Variants in GABRR1 observed in about 807,000 individuals in gnomAD.
GABRR1 encodes the protein gamma-aminobutyric acid type A receptor subunit rho1.
GABRR1 carries 59 observed loss-of-function variants against 55.5 expected under a neutral mutation model. That is an observed-to-expected ratio of 1.06 (90% confidence interval 0.86 to 1.32). GABRR1 has a LOEUF of 1.32. GABRR1 is among the 40% of genes most tolerant of loss of function. The pLI is 0.00. For synonymous variants in GABRR1, 213 were observed against 226.0 expected (o/e 0.94, Z 0.51); for missense variants, 602 against 619.1 (o/e 0.97, Z 0.29).
In GABRR1 at chr6:89,188,572, A is replaced by G. The variant is rs180819107; in HGVS notation, c.655+1593T>C. 4.4e-4 allele frequency among the ~76,000 whole-genome samples: 67 copies of G among 151,774 alleles called. 1 individual carries two copies. Among genetic ancestry groups the G allele is most frequent in the Middle Eastern group, 6.8e-3 (2 of 292 alleles). Reference sequence around the variant, plus strand: ...GTATACCGTCTTTGGAGAAATGTCTATTCAAGTCTTTTGTCCATTTTTTTA... The same window carrying G: ...GTATACCGTCTTTGGAGAAATGTCTGTTCAAGTCTTTTGTCCATTTTTTTA... On this transcript the variant is annotated intron_variant, in intron 6 of 9. Transcript: ENST00000454853.
intron 1 of GABRR1, among the ~76,000 whole-genome samples, chr6:89,207,881 G>T (rs1772701824): frequency 6.6e-6 from 1 of 152,188 alleles, no homozygotes. Flanking sequence ...TACAGTAGGA[G>T]GAAGCAGGCA....
intron 6 of GABRR1, among the ~76,000 whole-genome samples, chr6:89,187,491 G>A (rs1370029936): frequency 8.5e-5 from 13 of 152,072 alleles, no homozygotes; most frequent in Non-Finnish European, 1.5e-5. Flanking sequence ...AAATTTTCAT[G>A]TAGTATCTGT....
chr6:89,231,231 C>T (rs1683745882), exon 1 of GABRR1: 1 of 155,300 alleles, frequency 6.4e-6, no homozygotes, highest in Non-Finnish European at 1.4e-5. Flanking sequence ...TTCTGCGTCG[C>T]TCACGCTGGG....
chr6:89,210,784 C>T (rs1174663065), intron 1 of GABRR1, among the ~76,000 whole-genome samples: 2 of 152,054 alleles, frequency 1.3e-5, no homozygotes, highest in Non-Finnish European at 2.9e-5. Context: ...ATAAATGCGC[C>T]CTCAAGGGAC....
chr6:89,225,009 C>T (rs1278863857), intron 1 of GABRR1, among the ~76,000 whole-genome samples: 1 of 152,144 alleles, frequency 6.6e-6, no homozygotes, highest in Non-Finnish European at 1.5e-5. Context: ...TCTTGAACTC[C>T]TGACCTCGTG....
In GABRR1 at chr6:89,198,008, C is replaced by T; in HGVS notation, c.572+12G>A. The T allele has an allele frequency of 6.2e-7, 1 of 1,609,634 alleles. No individual in the cohort carries two copies. Among genetic ancestry groups the T allele is most frequent in the Non-Finnish European group, 8.5e-7 (1 of 1,176,010 alleles). On this transcript the variant is annotated intron_variant, in intron 5 of 9. Transcript: ENST00000454853. Reference sequence around the variant, plus strand: ...TTCTTGGTTAATATGAATGATCTGCCTTTCTTCCTACCTGAGACTATAGAG... The same window carrying T: ...TTCTTGGTTAATATGAATGATCTGCTTTTCTTCCTACCTGAGACTATAGAG...
intron 6 of GABRR1, among the ~76,000 whole-genome samples, chr6:89,186,812 G>A (rs1332391127): frequency 6.6e-6 from 1 of 152,198 alleles, no homozygotes; most frequent in African/African-American, 2.4e-5. Context: ...TGTGCAATAA[G>A]TAGCCACTCC....
At chr6:89,221,672 C>T (rs973568830), upstream of GABRR1, among the ~76,000 whole-genome samples, 1 of 152,010 alleles carries the variant, frequency 6.6e-6, no homozygotes, top group Non-Finnish European at 1.5e-5. Context: ...CCCTTGGTAC[C>T]GAGGGATGAC....
intron 1 of GABRR1, among the ~76,000 whole-genome samples, chr6:89,224,085 T>C (rs1283341162): frequency 6.6e-6 from 1 of 151,432 alleles, no homozygotes; most frequent in Non-Finnish European, 1.5e-5. Context: ...TTGTTTGTTT[T>C]GTTCTGTTTT....
intron 1 of GABRR1, among the ~76,000 whole-genome samples, chr6:89,209,723 A>C (rs1399696466): frequency 1.3e-5 from 2 of 152,086 alleles, no homozygotes; most frequent in Non-Finnish European, 2.9e-5. Flanking sequence ...GGCAGCTTAC[A>C]GTATTGGAAG....
At chr6:89,209,936 CTGTT>C (rs1471218262) in intron 1 of GABRR1, among the ~76,000 whole-genome samples, 1 of 152,178 alleles carries the variant, frequency 6.6e-6, no homozygotes, top group Non-Finnish European at 1.5e-5. Context: ...TGACATTCAA[CTGTT>C]TGTGACGTAC....
At chr6:89,216,970 G>T (rs1773003337) in intron 1 of GABRR1, among the ~76,000 whole-genome samples, 1 of 151,830 alleles carries the variant, frequency 6.6e-6, no homozygotes, top group Non-Finnish European at 1.5e-5. Flanking sequence ...AATTCATAAG[G>T]AATTTTAAAA....
chr6:89,182,830 T>C (rs1771770880), intron 7 of GABRR1, among the ~76,000 whole-genome samples: 1 of 151,988 alleles, frequency 6.6e-6, no homozygotes, highest in Admixed American at 6.6e-5. Flanking sequence ...TGAGCTATGA[T>C]CGCCCACTGC....
upstream of GABRR1, among the ~76,000 whole-genome samples, chr6:89,220,070 A>G (rs1342123146): frequency 6.6e-6 from 1 of 152,210 alleles, no homozygotes; most frequent in African/African-American, 2.4e-5. Context: ...CTAAAGGGAG[A>G]TATTCTGGAG....
chr6:89,208,476 G>T (rs112703290), intron 1 of GABRR1, among the ~76,000 whole-genome samples: 2,652 of 152,312 alleles, frequency 0.017, 42 homozygotes, highest in Middle Eastern at 0.031. Context: ...CAGTCTAAAT[G>T]TTACTGTGAC....
rs191245479 is a variant in GABRR1, at chr6:89,206,729, C to T, written c.123-3244G>A. ...CTCCTAGGCTAAAGCAATTCTCCTG[C>T]CTCAGCCTCCCAAGTAGCTGGGACC... On this transcript the variant is annotated intron_variant, in intron 1 of 9. Coordinates refer to ENST00000454853, the MANE Select transcript of GABRR1 (RefSeq NM_002042.5). Among the ~76,000 whole-genome samples, 712 of 152,044 alleles carry T rather than the reference C, an allele frequency of 4.7e-3. 1 individual carries two copies. The highest frequency in any genetic ancestry group is 0.014 in the Middle Eastern group (4 of 294).
At chr6:89,204,612 C>A (rs531371376) in intron 1 of GABRR1, 4 of 1,270,144 alleles carry the variant, frequency 3.1e-6, no homozygotes, top group Admixed American at 2.7e-5. Context: ...TTTGGGCCAG[C>A]CTGAAATGGA....
At chr6:89,190,042 T>C (rs774979095) in intron 6 of GABRR1, 123 bp downstream of exon 6, 40 of 569,104 alleles carry the variant, frequency 7.0e-5, no homozygotes, top group Non-Finnish European at 1.0e-4. Context: ...TGAGACTCCA[T>C]CTCAAAAAAA....
intron 1 of GABRR1, among the ~76,000 whole-genome samples, chr6:89,212,487 A>G (rs532583310): frequency 2.0e-4 from 31 of 152,244 alleles, no homozygotes; most frequent in African/African-American, 7.2e-4. Flanking sequence ...AATAAACGTG[A>G]ATTCTTTAGC....
Sources: gnomAD v4.1 joint callset for allele counts (sites outside exome capture counted in the v4.1 genomes callset) on GRCh38, gnomAD v4.1.1 for gene constraint, MANE v1.5 for transcripts, NCBI Gene and HGNC (gene_info 2026-07-23, HGNC 2026-07-21) for gene names.